ZNF717: variants seen among roughly 807,000 people sequenced by gnomAD.
ZNF717 encodes zinc finger protein 717, also known as krueppel-like factor X17.
A neutral mutation model predicts 13.8 loss-of-function variants in ZNF717; 9 were observed. The observed-to-expected ratio is 0.65, with a 90% CI of 0.39 to 1.14. The LOEUF (loss-of-function observed/expected upper bound fraction) is 1.14, where lower values mean the gene tolerates loss of function less well. Ranked by LOEUF, ZNF717 falls within the 50% of genes most tolerant of loss-of-function variation. The pLI is 0.01. For synonymous variants in ZNF717, 327 were observed against 364.1 expected (o/e 0.90, Z 1.16); for missense variants, 1,040 against 1,080.7 (o/e 0.96, Z 0.53).
At chr3:75,702,958 G>A (rs1378748149) in intron 6 of ZNF717, among the ~76,000 whole-genome samples, 3 of 152,298 alleles carry the variant, frequency 2.0e-5, no homozygotes, top group Admixed American at 6.5e-5. Flanking sequence ...TTAATCCTAA[G>A]CCATAGCTCT....
chr3:75,769,620 TTGAG>T (rs1423337221), intron 2 of ZNF717, among the ~76,000 whole-genome samples: 7 of 152,234 alleles, frequency 4.6e-5, no homozygotes, highest in African/African-American at 1.4e-4. Context: ...GAGATTTATA[TTGAG>T]TATTAGGTTA....
chr3:75,762,632 T>C (rs948207437), intron 2 of ZNF717, among the ~76,000 whole-genome samples: 4 of 152,090 alleles, frequency 2.6e-5, no homozygotes, highest in Non-Finnish European at 5.9e-5. Context: ...ATGTCAACAC[T>C]ACTCGAAGTG....
At chr3:75,725,680 C>T (rs1218611529), downstream of ZNF717, among the ~76,000 whole-genome samples, 2 of 144,520 alleles carry the variant, frequency 1.4e-5, no homozygotes, top group South Asian at 2.1e-4. Flanking sequence ...TCAGGTCTTA[C>T]ACGGCAGCAG....
At chr3:75,774,164 T>A (rs905293342) in intron 2 of ZNF717, among the ~76,000 whole-genome samples, 2 of 151,704 alleles carry the variant, frequency 1.3e-5, no homozygotes, top group African/African-American at 4.8e-5. Flanking sequence ...TAATGAAAAA[T>A]TTGTTTCCCT....
At chr3:75,699,983 A>T (rs1424421701) in intron 6 of ZNF717, among the ~76,000 whole-genome samples, 1 of 152,420 alleles carries the variant, frequency 6.6e-6, no homozygotes, top group African/African-American at 2.4e-5. Context: ...CTGACAAAAG[A>T]AATGAAAGAG....
intron 2 of ZNF717, among the ~76,000 whole-genome samples, chr3:75,765,686 A>T (rs1943408977): frequency 6.6e-6 from 1 of 152,200 alleles, no homozygotes; most frequent in African/African-American, 2.4e-5. Flanking sequence ...AGCTGAGATT[A>T]CGAGCATGAG....
intron 6 of ZNF717, among the ~76,000 whole-genome samples, chr3:75,696,596 T>C (rs139194252): frequency 3.5e-5 from 5 of 143,296 alleles, no homozygotes; most frequent in Admixed American, 1.4e-4. Context: ...ATACATCACA[T>C]AAACAGAATG....
chr3:75,715,827 A>G (rs1326334644), intron 5 of ZNF717, among the ~76,000 whole-genome samples: 1 of 152,196 alleles, frequency 6.6e-6, no homozygotes, highest in African/African-American at 2.4e-5. Context: ...TTTTCAAATA[A>G]TGACTATTGG....
At chr3:75,709,422 C>T (rs1484224306), downstream of ZNF717, among the ~76,000 whole-genome samples, 1 of 152,216 alleles carries the variant, frequency 6.6e-6, no homozygotes, top group African/African-American at 2.4e-5. Context: ...CCCCAGGCCC[C>T]ACCTCCAACA....
At chr3:75,771,212 T>C (rs909807920) in intron 2 of ZNF717, among the ~76,000 whole-genome samples, 15 of 152,224 alleles carry the variant, frequency 9.9e-5, no homozygotes, top group African/African-American at 3.6e-4. Flanking sequence ...TGCTAAGCAC[T>C]GTAACCAGTC....
intron 2 of ZNF717, among the ~76,000 whole-genome samples, chr3:75,752,955 T>G (rs1942037429): frequency 2.0e-5 from 3 of 151,488 alleles, no homozygotes; most frequent in African/African-American, 7.3e-5. Context: ...TCCAGAACAC[T>G]GCTGCCATGG....
intron 6 of ZNF717, among the ~76,000 whole-genome samples, chr3:75,699,727 T>A (rs140255190): frequency 6.6e-6 from 1 of 151,228 alleles, no homozygotes; most frequent in African/African-American, 2.5e-5. Context: ...TCACTGATTA[T>A]TTTTTATAGC....
intron 1 of ZNF717, 52 bp from the exon 2 acceptor site, chr3:75,783,416 G>T: frequency 7.0e-7 from 1 of 1,438,676 alleles, no homozygotes; most frequent in Non-Finnish European, 9.5e-7. Context: ...GTGTGGTGTG[G>T]TCCCAGATTC....
In ZNF717 at chr3:75,738,626, G is replaced by A; in HGVS notation, c.997C>T (p.His333Tyr). Residue 333 changes from histidine to tyrosine, a missense_variant, in exon 5 of 5, where the codon CAC (histidine) becomes TAC (tyrosine). His to Tyr is a moderately conservative substitution (Grantham distance 83). Transcript: ENST00000652011. ...KSSLIIHQRI[H>Y]TGEKPYGCNE... ...CATCCATAGGGCTTTTCCCCTGTGT[G>A]AATTCTCTGATGGATAATGAGGCTG... The A allele has an allele frequency of 6.4e-7, 1 of 1,552,834 alleles. No individual in the cohort carries two copies. Among genetic ancestry groups the A allele is most frequent in the East Asian group, 2.4e-5 (1 of 40,944 alleles).
intron 6 of ZNF717, among the ~76,000 whole-genome samples, chr3:75,696,136 A>C (rs1937600130): frequency 6.6e-6 from 1 of 152,312 alleles, no homozygotes; most frequent in Non-Finnish European, 1.5e-5. Flanking sequence ...AGACATTACA[A>C]GAAATGCTTC....
chr3:75,784,427 A>T (rs1365357209), intron 1 of ZNF717, among the ~76,000 whole-genome samples: 1 of 152,224 alleles, frequency 6.6e-6, no homozygotes, highest in African/African-American at 2.4e-5. Flanking sequence ...ATTACAAATC[A>T]AATACAATCG....
chr3:75,742,647 G>T (rs1162734451), intron 2 of ZNF717, among the ~76,000 whole-genome samples: 1 of 152,204 alleles, frequency 6.6e-6, no homozygotes. Flanking sequence ...ACCATGCCTA[G>T]ATGAATGATC....
intron 2 of ZNF717, among the ~76,000 whole-genome samples, chr3:75,779,914 G>T (rs761960347): frequency 1.3e-5 from 2 of 151,550 alleles, no homozygotes; most frequent in Non-Finnish European, 2.9e-5. Flanking sequence ...CCAAAACAAC[G>T]GGAGTGATGT....
At chr3:75,716,700 A>T (rs1290738952) in intron 4 of ZNF717, among the ~76,000 whole-genome samples, 1 of 152,194 alleles carries the variant, frequency 6.6e-6, no homozygotes, top group Non-Finnish European at 1.5e-5. Flanking sequence ...AAAGTCAGCA[A>T]GATTCTTGGG....
Sources: gnomAD v4.1 joint callset for allele counts (sites outside exome capture counted in the v4.1 genomes callset) on GRCh38, gnomAD v4.1.1 for gene constraint, MANE v1.5 for transcripts, NCBI Gene and HGNC (gene_info 2026-07-23, HGNC 2026-07-21) for gene names.